DACH2: variants seen among roughly 807,000 people sequenced by gnomAD.
DACH2 encodes the protein dachshund family transcription factor 2, also known as dachshund homolog 2.
In DACH2, 17 loss-of-function variants were observed where a neutral mutation model predicts 35.8. That is an observed-to-expected ratio of 0.48 (90% CI 0.33 to 0.71). The LOEUF (loss-of-function observed/expected upper bound fraction) is 0.71, where lower values mean the gene tolerates loss of function less well. DACH2 is among the 30% of genes least tolerant of loss of function. The pLI is 0.02. For missense variants in DACH2, 469 were observed against 472.7 expected (o/e 0.99, Z 0.07); for synonymous variants, 195 against 177.3 (o/e 1.10, Z -0.79).
intron 1 of DACH2, among the ~76,000 whole-genome samples, chrX:86,190,008 A>G (rs1407714745): frequency 9.1e-6 from 1 of 109,540 alleles, no homozygotes; most frequent in Non-Finnish European, 1.9e-5. Flanking sequence ...TACTAAAAAT[A>G]CAAAAATTAG....
intron 3 of DACH2, among the ~76,000 whole-genome samples, chrX:86,556,333 C>G (rs1425960884): frequency 9.0e-6 from 1 of 110,508 alleles, no homozygotes; most frequent in Non-Finnish European, 1.9e-5. Flanking sequence ...ATTTAACTCC[C>G]GTAAGAACTA....
chrX:86,356,574 T>A (rs2035646386), intron 1 of DACH2, among the ~76,000 whole-genome samples: 1 of 111,799 alleles, frequency 8.9e-6, no homozygotes, highest in African/African-American at 3.3e-5. Flanking sequence ...ATGAAAAATA[T>A]CCTTGATAGC....
intron 2 of DACH2, among the ~76,000 whole-genome samples, chrX:86,457,895 G>C (rs1438199121): frequency 8.9e-6 from 1 of 111,907 alleles, no homozygotes; most frequent in Admixed American, 9.5e-5. Flanking sequence ...AATGTTGAAA[G>C]TTTTTTACTC....
At chrX:86,526,085 C>G (rs2038627306) in intron 3 of DACH2, among the ~76,000 whole-genome samples, 1 of 111,438 alleles carries the variant, frequency 9.0e-6, no homozygotes, top group Non-Finnish European at 1.9e-5. Context: ...TGCCTTGTTA[C>G]TACTTTATTT....
chrX:86,319,987 A>T (rs4828376), intron 1 of DACH2, among the ~76,000 whole-genome samples: 55,377 of 110,197 alleles, frequency 0.5, 10,463 homozygotes, highest in Admixed American at 0.63. Context: ...AGGGCCTAAT[A>T]ACCAAGCATA....
At chrX:86,751,567 T>C (rs1569477964) in intron 7 of DACH2, among the ~76,000 whole-genome samples, 1 of 111,458 alleles carries the variant, frequency 9.0e-6, no homozygotes, top group Non-Finnish European at 1.9e-5. Flanking sequence ...TCAAATTAGA[T>C]ACAATGAAGG....
intron 3 of DACH2, among the ~76,000 whole-genome samples, chrX:86,542,645 G>A (rs866959820): frequency 9.0e-6 from 1 of 111,450 alleles, no homozygotes; most frequent in Non-Finnish European, 1.9e-5. Context: ...TTCTGTTATA[G>A]CAACACAAAA....
chrX:86,802,549 AAAG>A (rs1158749816), intron 7 of DACH2, among the ~76,000 whole-genome samples: 1 of 104,076 alleles, frequency 9.6e-6, no homozygotes, highest in African/African-American at 3.5e-5. Flanking sequence ...AAAAAAAAAA[AAAG>A]AAGACTGGAT....
At chrX:86,711,642 C>T (rs891516943) in intron 5 of DACH2, among the ~76,000 whole-genome samples, 4 of 111,459 alleles carry the variant, frequency 3.6e-5, no homozygotes, top group African/African-American at 1.3e-4. Flanking sequence ...AAACGTTTGA[C>T]TTTCATAATT....
intron 3 of DACH2, among the ~76,000 whole-genome samples, chrX:86,539,532 G>A (rs1452600326): frequency 1.8e-5 from 2 of 111,330 alleles, no homozygotes; most frequent in African/African-American, 6.5e-5. Context: ...ATTAATTTAA[G>A]CTGTTTATTT....
chrX:86,162,405 T>A (rs1357386780), intron 1 of DACH2, among the ~76,000 whole-genome samples: 6 of 111,329 alleles, frequency 5.4e-5, no homozygotes, highest in Admixed American at 4.8e-4. Flanking sequence ...AAAATGTTTC[T>A]TATGTAAATA....
At chrX:86,497,941 C>T (rs1376496954) in intron 2 of DACH2, among the ~76,000 whole-genome samples, 4 of 111,228 alleles carry the variant, frequency 3.6e-5, no homozygotes, top group Non-Finnish European at 7.5e-5. Flanking sequence ...TTGCAGAGAG[C>T]TGAGATCGTG....
At chrX:86,560,430 C>G (rs1243048500) in intron 3 of DACH2, among the ~76,000 whole-genome samples, 1 of 98,545 alleles carries the variant, frequency 1.0e-5, no homozygotes, top group African/African-American at 3.9e-5. Flanking sequence ...TGGAGTTGCT[C>G]TTCTTGAGGA....
At chrX:86,774,669 A>G (rs1352350448) in intron 7 of DACH2, among the ~76,000 whole-genome samples, 1 of 112,013 alleles carries the variant, frequency 8.9e-6, no homozygotes, top group South Asian at 3.7e-4. Context: ...GTGCTTTCCC[A>G]CTACAAGCTG....
intron 1 of DACH2, among the ~76,000 whole-genome samples, chrX:86,320,969 C>T (rs989423734): frequency 9.0e-6 from 1 of 111,508 alleles, no homozygotes; most frequent in African/African-American, 3.3e-5. Flanking sequence ...TTTCTCTGTA[C>T]CCAGGTACTC....
chrX:86,512,509 G>A (rs1016327108), intron 2 of DACH2, among the ~76,000 whole-genome samples: 7 of 111,713 alleles, frequency 6.3e-5, no homozygotes, highest in African/African-American at 2.3e-4. Flanking sequence ...TCACGTGGAA[G>A]TAGAGGGAGC....
At chrX:86,288,963 C>G (rs2034211539) in intron 1 of DACH2, among the ~76,000 whole-genome samples, 1 of 110,573 alleles carries the variant, frequency 9.0e-6, no homozygotes, top group African/African-American at 3.3e-5. Context: ...GGAGTCTTGC[C>G]CTGTAGCCAC....
chrX:86,434,491 G>A (rs1425311257), intron 2 of DACH2, among the ~76,000 whole-genome samples: 1 of 111,433 alleles, frequency 9.0e-6, no homozygotes, highest in Non-Finnish European at 1.9e-5. Context: ...TCTTATCATG[G>A]TATATTCACT....
chrX:86,556,711 G>A (rs1239835910), intron 3 of DACH2, among the ~76,000 whole-genome samples: 1 of 93,187 alleles, frequency 1.1e-5, no homozygotes, highest in Non-Finnish European at 2.1e-5. Context: ...GGTGAGAGAT[G>A]TGTATTAGTC....
Sources: allele counts gnomAD v4.1 joint callset (sites outside exome capture counted in the v4.1 genomes callset), GRCh38; gene constraint gnomAD v4.1.1; transcripts MANE v1.5; gene names NCBI Gene and HGNC (gene_info 2026-07-23, HGNC 2026-07-21).